Variants in FAM13B observed in about 807,000 individuals in gnomAD.
The protein encoded by FAM13B is protein FAM13B.
In FAM13B, 60 loss-of-function variants were observed where a neutral mutation model predicts 117.3. The observed-to-expected ratio is 0.51, with a 90% CI of 0.42 to 0.63. The LOEUF is 0.63. Among genes scored for constraint, FAM13B ranks in the 30% least tolerant of loss-of-function variants. The pLI, the probability that FAM13B is intolerant of heterozygous loss-of-function variation, is 0.00. For missense variants in FAM13B, 972 were observed against 1,091.9 expected (o/e 0.89, Z 1.55); for synonymous variants, 332 against 356.1 (o/e 0.93, Z 0.76).
At chr5:137,992,892 T>C (rs1224174785) in intron 7 of FAM13B, among the ~76,000 whole-genome samples, 1 of 152,194 alleles carries the variant, frequency 6.6e-6, no homozygotes, top group Admixed American at 6.5e-5. Context: ...AGAAGATGTG[T>C]ATAAGAACGT....
intron 1 of FAM13B, among the ~76,000 whole-genome samples, chr5:138,021,896 C>G (rs1786830283): frequency 6.6e-6 from 1 of 152,034 alleles, no homozygotes; most frequent in African/African-American, 2.4e-5. Context: ...GTGGGAGGAT[C>G]ACTTGAGCCC....
At chr5:138,007,908 A>G (rs1782953833) in intron 6 of FAM13B, among the ~76,000 whole-genome samples, 1 of 152,256 alleles carries the variant, frequency 6.6e-6, no homozygotes. Flanking sequence ...AACTAATACT[A>G]GTCATTAAAG....
intron 1 of FAM13B, chr5:138,038,623 C>T (rs1054417500): frequency 8.5e-5 from 13 of 152,164 alleles, no homozygotes; most frequent in African/African-American, 3.1e-4. Flanking sequence ...CTTTCTGTGC[C>T]ACTTTGCCCA....
intron 20 of FAM13B, among the ~76,000 whole-genome samples, chr5:137,944,988 G>T (rs760653654): frequency 2.5e-4 from 38 of 151,984 alleles, no homozygotes; most frequent in Non-Finnish European, 4.9e-4. Context: ...AATGAAAAAT[G>T]TTGTGCACTA....
chr5:137,999,777 T>G (rs1057488476), intron 7 of FAM13B, among the ~76,000 whole-genome samples: 1 of 152,160 alleles, frequency 6.6e-6, no homozygotes, highest in Admixed American at 6.6e-5. Context: ...CAGTGTCTGA[T>G]GAGGGCCCAT....
intron 1 of FAM13B, among the ~76,000 whole-genome samples, chr5:138,031,847 T>G (rs1790133766): frequency 6.6e-6 from 1 of 152,118 alleles, no homozygotes. Flanking sequence ...GAAAATAGCC[T>G]CACACTAACC....
intron 1 of FAM13B, among the ~76,000 whole-genome samples, chr5:138,046,674 T>C (rs1791648875): frequency 6.6e-6 from 1 of 152,218 alleles, no homozygotes; most frequent in Non-Finnish European, 1.5e-5. Flanking sequence ...AGAAAATACA[T>C]TTAATTCAGT....
At chr5:138,045,689 G>A (rs535041627) in intron 1 of FAM13B, among the ~76,000 whole-genome samples, 12 of 151,934 alleles carry the variant, frequency 7.9e-5, no homozygotes, top group South Asian at 4.2e-4. Context: ...TCAGAGGTAC[G>A]TACACAGGTG....
chr5:138,006,841 T>C (rs886948528), intron 7 of FAM13B, 149 bp downstream of exon 7: 1 of 658,646 alleles, frequency 1.5e-6, no homozygotes, highest in Non-Finnish European at 2.4e-6. Flanking sequence ...TTAGCAAGAC[T>C]GCATCTTTAA....
intron 18 of FAM13B, among the ~76,000 whole-genome samples, chr5:137,947,659 G>A (rs1334980654): frequency 2.6e-5 from 4 of 151,728 alleles, no homozygotes; most frequent in South Asian, 4.2e-4. Flanking sequence ...CTGGCTCACC[G>A]CAACCTCCGT....
chr5:137,947,448 C>T (rs1171106228), intron 18 of FAM13B, among the ~76,000 whole-genome samples: 1 of 152,130 alleles, frequency 6.6e-6, no homozygotes, highest in African/African-American at 2.4e-5. Context: ...TAACATAAAA[C>T]TTAAAACTAA....
Position 137,949,025 on chromosome 5 carries a change from G to A in FAM13B, c.2090C>T (p.Ala697Val), listed in dbSNP as rs770079996. The change falls in exon 18 of 24, where the codon GCA becomes GTA. Residue 697 changes from alanine to valine, a missense_variant. Physicochemically the swap from Ala to Val is moderately conservative, Grantham distance 64 (BLOSUM62 0). Coordinates refer to ENST00000689681, the MANE Select transcript of FAM13B (RefSeq NM_001385994.1). ...IQKEKKPSKEATLELILKRLK... is the reference protein window; with the variant it reads ...IQKEKKPSKEVTLELILKRLK... ...TCTTTTAAGAATAAGTTCAAGGGTT[G>A]CTTCTTTAGATGGTTTTTTCTCCTT... is the stretch of plus-strand genomic sequence containing the variant. The A allele has an allele frequency of 1.2e-6, 2 of 1,613,894 alleles. No individual in the cohort carries two copies. Among genetic ancestry groups the A allele is most frequent in the Non-Finnish European group, 1.7e-6 (2 of 1,180,022 alleles).
intron 2 of FAM13B, 60 bp from the exon 3 acceptor site, chr5:138,019,206 G>C: frequency 2.7e-6 from 4 of 1,459,478 alleles, no homozygotes; most frequent in Non-Finnish European, 2.8e-6. Context: ...AATATGACTA[G>C]ATACATTAAA....
intron 23 of FAM13B, among the ~76,000 whole-genome samples, chr5:137,941,077 T>A (rs2150098599): frequency 6.6e-6 from 1 of 152,176 alleles, no homozygotes; most frequent in South Asian, 2.1e-4. Flanking sequence ...GCCTAATTTT[T>A]TTTGTATTTT....
intron 8 of FAM13B, 55 bp downstream of exon 8, chr5:137,988,219 G>T: frequency 7.7e-7 from 1 of 1,292,046 alleles, no homozygotes; most frequent in Non-Finnish European, 1.1e-6. Flanking sequence ...CATTTCTACA[G>T]CTTAGTAGTA....
chr5:137,982,049 T>A (rs1775912558), intron 10 of FAM13B, among the ~76,000 whole-genome samples: 1 of 152,202 alleles, frequency 6.6e-6, no homozygotes, highest in South Asian at 2.1e-4. Flanking sequence ...CCTATAGCTA[T>A]ATTTTGATAG....
chr5:137,994,977 A>G (rs1377511277), intron 7 of FAM13B, among the ~76,000 whole-genome samples: 1 of 152,250 alleles, frequency 6.6e-6, no homozygotes, highest in African/African-American at 2.4e-5. Flanking sequence ...AAAGTATTGC[A>G]GTTCAGCCTC....
chr5:137,940,219 C>T lies in FAM13B; in HGVS notation c.*6G>A, dbSNP rs369454923. On this transcript the variant is annotated 3_prime_UTR_variant, in exon 24 of 24. Coordinates refer to ENST00000689681, the MANE Select transcript of FAM13B (RefSeq NM_001385994.1). The stretch of plus-strand genomic sequence containing the variant: ...CTTTATGATATGAATTTTCAAGGAA[C>T]GTATCTTATATGGATTTTGAAGAAT... 14 of 1,613,856 alleles carry T rather than the reference C, an allele frequency of 8.7e-6. No individual in the cohort carries two copies. Among genetic ancestry groups the T allele is most frequent in the South Asian group, 5.5e-5 (5 of 91,052 alleles).
At chr5:137,983,718 T>A (rs1776468728) in intron 10 of FAM13B, among the ~76,000 whole-genome samples, 1 of 152,206 alleles carries the variant, frequency 6.6e-6, no homozygotes, top group Non-Finnish European at 1.5e-5. Flanking sequence ...AAATGTCTTC[T>A]AGTTTATAAA....
Sources: allele counts gnomAD v4.1 joint callset (sites outside exome capture counted in the v4.1 genomes callset), GRCh38; gene constraint gnomAD v4.1.1; transcripts MANE v1.5; gene names NCBI Gene and HGNC (gene_info 2026-07-23, HGNC 2026-07-21).